Variants in HSPA4L observed in about 807,000 individuals in gnomAD.
HSPA4L encodes heat shock protein family A (Hsp70) member 4 like, also known as heat shock 70 kDa protein 4L.
A neutral mutation model predicts 100.3 loss-of-function variants in HSPA4L; 48 were observed. The ratio of observed to expected loss-of-function variants is 0.48; its 90% CI spans 0.38 to 0.61. The LOEUF is 0.61. HSPA4L is among the 20% of genes least tolerant of loss of function. The pLI, the probability that HSPA4L is intolerant of heterozygous loss-of-function variation, is 0.00. For missense variants in HSPA4L, 886 were observed against 988.6 expected (o/e 0.90, Z 1.39); for synonymous variants, 319 against 328.2 (o/e 0.97, Z 0.30).
intron 11 of HSPA4L, among the ~76,000 whole-genome samples, chr4:127,810,528 C>A: frequency 6.6e-6 from 1 of 152,146 alleles, no homozygotes; most frequent in East Asian, 1.9e-4. Context: ...AAGGCTGAGG[C>A]AGGAGGATTG....
chr4:127,816,053 GA>G (rs1188197983), intron 12 of HSPA4L, among the ~76,000 whole-genome samples: 5 of 151,826 alleles, frequency 3.3e-5, no homozygotes, highest in Admixed American at 2.6e-4. Context: ...GGAATAGCAG[GA>G]AAAAAAATGA....
At chr4:127,809,620 A>C in intron 11 of HSPA4L, 2 of 574,826 alleles carry the variant, frequency 3.5e-6, no homozygotes, top group Non-Finnish European at 6.3e-6. Flanking sequence ...AAGTGAAAGC[A>C]GAAAGAAGGG....
chr4:127,803,965 C>G (rs769640610), intron 7 of HSPA4L, 46 bp from the exon 8 acceptor site: 1 of 1,607,964 alleles, frequency 6.2e-7, no homozygotes, highest in Non-Finnish European at 8.5e-7. Context: ...AAGATACGCT[C>G]AACTTTTAAT....
Position 127,832,932 on chromosome 4 carries a change from T to C in HSPA4L, c.*58T>C. 1.6e-6 allele frequency: 2 copies of C among 1,255,172 alleles called. No homozygotes were observed. The highest frequency in any genetic ancestry group is 1.1e-6 in the Non-Finnish European group (1 of 899,794). 77.8% of individuals were successfully genotyped at this position (1,255,172 alleles called of 1,614,324 possible). ...GTGCAAGTAACCACGGGGTCCATCTTTTACATCTGGTACACACAACAGACG... is the reference window on the plus strand; with the variant it reads ...GTGCAAGTAACCACGGGGTCCATCTCTTACATCTGGTACACACAACAGACG... On this transcript the variant is annotated 3_prime_UTR_variant, in exon 19 of 19. Transcript: ENST00000296464.
At chr4:127,816,344 T>C (rs10493147) in intron 12 of HSPA4L, among the ~76,000 whole-genome samples, 26,382 of 152,164 alleles carry the variant, frequency 0.17, 2,742 homozygotes, top group East Asian at 0.35. Context: ...TAACAGTTTA[T>C]TACCATTTCA....
chr4:127,825,013 A>G (rs1307433626), intron 16 of HSPA4L, among the ~76,000 whole-genome samples: 2 of 151,806 alleles, frequency 1.3e-5, no homozygotes, highest in African/African-American at 2.4e-5. Flanking sequence ...GGTGGCGGGC[A>G]CCTGTAGTCC....
Position 127,805,190 on chromosome 4 carries a change from C to T in HSPA4L, c.1103C>T (p.Ala368Val), listed in dbSNP as rs777338709. ...AAAGACATAAGTACCACATTAAATG[C>T]TGATGAAGCTGTTGCAAGAGGATGT... is the stretch of plus-strand genomic sequence containing the variant. ...FLKDISTTLNADEAVARGCAL... is the reference protein window; with the variant it reads ...FLKDISTTLNVDEAVARGCAL... Residue 368 changes from alanine to valine, a missense_variant, in exon 9 of 19, where the codon GCT (alanine) becomes GTT (valine). Ala to Val is a moderately conservative substitution (Grantham distance 64). Transcript: ENST00000296464. The T allele has an allele frequency of 8.7e-6, 14 of 1,609,760 alleles. No individual in the cohort carries two copies. Among genetic ancestry groups the T allele is most frequent in the Non-Finnish European group, 1.1e-5 (13 of 1,178,162 alleles).
intron 6 of HSPA4L, 56 bp downstream of exon 6, chr4:127,801,974 A>C (rs71612138): frequency 7.1e-7 from 1 of 1,418,172 alleles, no homozygotes; most frequent in Non-Finnish European, 9.6e-7. Flanking sequence ...AGACTAAAGA[A>C]CCGTAATAGC....
chr4:127,819,729 A>G (rs1733759591), intron 13 of HSPA4L, among the ~76,000 whole-genome samples: 1 of 152,122 alleles, frequency 6.6e-6, no homozygotes, highest in Non-Finnish European at 1.5e-5. Context: ...GTTATACAGT[A>G]TGTACTTATT....
rs1224484773 is a variant in HSPA4L at position 127,836,929 on chromosome 4, A to C, written c.*4055A>C. The C allele has an allele frequency of 6.6e-6, 1 of 152,026 alleles. No individual in the cohort carries two copies. The highest frequency in any genetic ancestry group is 6.6e-5 in the Admixed American group (1 of 15,258). The allele number at this position is 152,026 out of a possible 1,614,324, so 9.4% of individuals were successfully genotyped here. A position where few individuals can be genotyped will look rare whatever the true frequency, so the allele number is the denominator to read the frequency against. ...GTAAAATATAACTTTCTCAGTTTTT[A>C]AAAGTTTACAAAATTTTTTTTTTTG... On this transcript the variant is annotated 3_prime_UTR_variant, in exon 19 of 19. Transcript: ENST00000296464.
chr4:127,827,528 A>G (rs1045636847), intron 17 of HSPA4L, 104 bp downstream of exon 17: 30 of 1,280,226 alleles, frequency 2.3e-5, no homozygotes, highest in East Asian at 9.5e-5. Flanking sequence ...AGTTGTATCT[A>G]TCAAATTCCA....
chr4:127,802,810 G>C (rs888405629), intron 6 of HSPA4L, among the ~76,000 whole-genome samples: 1 of 152,114 alleles, frequency 6.6e-6, no homozygotes, highest in Non-Finnish European at 1.5e-5. Flanking sequence ...GATTCTCCAT[G>C]CTAGTCTGTG....
chr4:127,802,022 C>A, intron 6 of HSPA4L, 104 bp downstream of exon 6: 1 of 805,092 alleles, frequency 1.2e-6, no homozygotes, highest in Non-Finnish European at 1.9e-6. Flanking sequence ...AAACTATGAC[C>A]TCAAGCAAGT....
rs183916277 is a variant in HSPA4L at position 127,839,022 on chromosome 4, G to C, written c.*6148G>C. 1 of 151,878 alleles carries C rather than the reference G, an allele frequency of 6.6e-6. No individual in the cohort carries two copies. Among genetic ancestry groups the C allele is most frequent in the South Asian group, 2.1e-4 (1 of 4,806 alleles). 9.4% of individuals were successfully genotyped at this position (151,878 alleles called of 1,614,324 possible). A position where few individuals can be genotyped will look rare whatever the true frequency, so the allele number is the denominator to read the frequency against. ...TCTGGCCTTGGAATACTTTAATTCC[G>C]GACCAAAAGAGGTCAATTTTGTGAG... is the stretch of plus-strand genomic sequence containing the variant. On this transcript the variant is annotated 3_prime_UTR_variant, in exon 19 of 19. Coordinates refer to ENST00000296464, the MANE Select transcript of HSPA4L (RefSeq NM_014278.4).
chr4:127,786,752 C>A (rs1463828498), intron 1 of HSPA4L, among the ~76,000 whole-genome samples: 1 of 152,236 alleles, frequency 6.6e-6, no homozygotes, highest in Admixed American at 6.5e-5. Flanking sequence ...TAGGCGTGAA[C>A]CAACGTGCCT....
At chr4:127,831,450 A>C (rs1734077977) in intron 18 of HSPA4L, among the ~76,000 whole-genome samples, 1 of 150,720 alleles carries the variant, frequency 6.6e-6, no homozygotes, top group African/African-American at 2.4e-5. Context: ...GTAGTGAGCT[A>C]CAGTCATGCC....
chr4:127,825,882 C>A (rs978847513), intron 16 of HSPA4L, among the ~76,000 whole-genome samples: 1 of 147,430 alleles, frequency 6.8e-6, no homozygotes, highest in African/African-American at 2.5e-5. Flanking sequence ...GTTGAGATTG[C>A]GTCATTGCAC....
chr4:127,822,691 AAGTGGT>A (rs1733843304), intron 14 of HSPA4L, 72 bp from the exon 15 acceptor site: 3 of 1,348,386 alleles, frequency 2.2e-6, no homozygotes, highest in Non-Finnish European at 3.1e-6. Context: ...AGTGAGTGTG[AAGTGGT>A]ATCTTGTGGT....
intron 12 of HSPA4L, 140 bp downstream of exon 12, chr4:127,811,776 G>A: frequency 1.6e-6 from 1 of 626,874 alleles, no homozygotes; most frequent in South Asian, 2.0e-5. Flanking sequence ...TCTGTATAAA[G>A]TCTTTTGATA....
Sources: allele counts gnomAD v4.1 joint callset (sites outside exome capture counted in the v4.1 genomes callset), GRCh38; gene constraint gnomAD v4.1.1; transcripts MANE v1.5; gene names NCBI Gene and HGNC (gene_info 2026-07-23, HGNC 2026-07-21).